LOC128125818: variants seen among roughly 807,000 people sequenced by gnomAD.
the LOC128125818 span, chr4:6,069,963 A>G: frequency 2.5e-6 from 1 of 396,454 alleles, no homozygotes; most frequent in Non-Finnish European, 4.4e-6. This position sits in a 1 kb window ranked among gnomAD's most constrained non-coding sequence, Gnocchi z 4.5. Context: ...ATCATTTTCA[A>G]CAGAGCCACC....
At chr4:6,067,146 T>C in the LOC128125818 span, among the ~76,000 whole-genome samples, 1 of 152,218 alleles carries the variant, frequency 6.6e-6, no homozygotes, top group Admixed American at 6.5e-5. The surrounding 1 kb of genome is among the most constrained non-coding windows in gnomAD (Gnocchi z 4.6). Context: ...CAAGCTATTG[T>C]GTTTACTGAT....
At chr4:6,067,638 C>G in the LOC128125818 span, among the ~76,000 whole-genome samples, 5 of 148,628 alleles carry the variant, frequency 3.4e-5, no homozygotes, top group African/African-American at 9.9e-5. The surrounding 1 kb of genome is among the most constrained non-coding windows in gnomAD (Gnocchi z 4.6). Flanking sequence ...CACTCAAGCT[C>G]TTCTGCACAC....
chr4:6,068,277 T>C, the LOC128125818 span, among the ~76,000 whole-genome samples: 5 of 152,148 alleles, frequency 3.3e-5, no homozygotes, highest in Non-Finnish European at 7.3e-5. Flanking sequence ...AGAGCAACCT[T>C]AGCAAACAGC....
At chr4:6,067,725 C>G in the LOC128125818 span, among the ~76,000 whole-genome samples, 1,874 of 109,466 alleles carry the variant, frequency 0.017, 9 homozygotes, top group South Asian at 0.031. This position sits in a 1 kb window ranked among gnomAD's most constrained non-coding sequence, Gnocchi z 4.6. Context: ...CTGAGCTCCA[C>G]GTTCACTCAA....
the LOC128125818 span, chr4:6,070,041 C>T: frequency 2.8e-5 from 11 of 398,674 alleles, no homozygotes; most frequent in African/African-American, 1.4e-4. Flanking sequence ...CGCAAAACCC[C>T]GAACCAGCTG....
chr4:6,067,846 G>T, the LOC128125818 span, among the ~76,000 whole-genome samples: 3 of 126,304 alleles, frequency 2.4e-5, no homozygotes, highest in African/African-American at 1.0e-4. This position sits in a 1 kb window ranked among gnomAD's most constrained non-coding sequence, Gnocchi z 4.6. Context: ...TTCTGCACAC[G>T]CAGGTCACCC....
chr4:6,068,017 G>A, the LOC128125818 span, among the ~76,000 whole-genome samples: 1 of 152,212 alleles, frequency 6.6e-6, no homozygotes, highest in African/African-American at 2.4e-5. Flanking sequence ...AGAACACACT[G>A]CTGGGCTGTG....
chr4:6,066,519 T>A, the LOC128125818 span, among the ~76,000 whole-genome samples: 1 of 152,084 alleles, frequency 6.6e-6, no homozygotes, highest in African/African-American at 2.4e-5. Flanking sequence ...CTGCGTCCTT[T>A]ATGGCATTGT....
At chr4:6,069,247 GA>G in the LOC128125818 span, among the ~76,000 whole-genome samples, 4 of 152,118 alleles carry the variant, frequency 2.6e-5, no homozygotes, top group African/African-American at 9.7e-5. This position sits in a 1 kb window ranked among gnomAD's most constrained non-coding sequence, Gnocchi z 4.5. Context: ...AAACATGAAA[GA>G]AACTTCATTT....
At chr4:6,067,135 G>A in the LOC128125818 span, among the ~76,000 whole-genome samples, 1 of 152,128 alleles carries the variant, frequency 6.6e-6, no homozygotes, top group Non-Finnish European at 1.5e-5. This position sits in a 1 kb window ranked among gnomAD's most constrained non-coding sequence, Gnocchi z 4.6. Flanking sequence ...GTAAGATCTG[G>A]CAAGCTATTG....
chr4:6,065,116 G>A, the LOC128125818 span: 1 of 1,349,438 alleles, frequency 7.4e-7, no homozygotes, highest in Non-Finnish European at 1.0e-6. This position sits in a 1 kb window ranked among gnomAD's most constrained non-coding sequence, Gnocchi z 5.1. Flanking sequence ...TGACATTTGG[G>A]CCACTGGGGC....
At chr4:6,068,284 C>T in the LOC128125818 span, among the ~76,000 whole-genome samples, 1 of 152,192 alleles carries the variant, frequency 6.6e-6, no homozygotes, top group Non-Finnish European at 1.5e-5. Context: ...CCTTAGCAAA[C>T]AGCCTAACTC....
chr4:6,069,046 A>C, the LOC128125818 span, among the ~76,000 whole-genome samples: 17 of 152,324 alleles, frequency 1.1e-4, no homozygotes, highest in South Asian at 3.5e-3. The surrounding 1 kb of genome is among the most constrained non-coding windows in gnomAD (Gnocchi z 4.5). Context: ...AAATAGAAAC[A>C]ATATATTAAT....
the LOC128125818 span, among the ~76,000 whole-genome samples, chr4:6,069,364 A>C: frequency 6.6e-6 from 1 of 152,224 alleles, no homozygotes; most frequent in African/African-American, 2.4e-5. This position sits in a 1 kb window ranked among gnomAD's most constrained non-coding sequence, Gnocchi z 4.5. Flanking sequence ...TCTACTGAAT[A>C]AAAAGGTAAT....
At chr4:6,067,375 G>C in the LOC128125818 span, among the ~76,000 whole-genome samples, 2 of 152,158 alleles carry the variant, frequency 1.3e-5, no homozygotes, top group Non-Finnish European at 2.9e-5. The surrounding 1 kb of genome is among the most constrained non-coding windows in gnomAD (Gnocchi z 4.6). Context: ...CTCATTGGCA[G>C]GTACGTGAAG....
chr4:6,065,075 C>T, the LOC128125818 span: 44 of 1,592,836 alleles, frequency 2.8e-5, no homozygotes, highest in Middle Eastern at 1.7e-4. This position sits in a 1 kb window ranked among gnomAD's most constrained non-coding sequence, Gnocchi z 5.1. Context: ...AGTCCCTGGT[C>T]GTGGGCATGC....
the LOC128125818 span, among the ~76,000 whole-genome samples, chr4:6,067,749 C>T: frequency 2.7e-5 from 4 of 148,208 alleles, no homozygotes; most frequent in African/African-American, 5.1e-5. The surrounding 1 kb of genome is among the most constrained non-coding windows in gnomAD (Gnocchi z 4.6). Context: ...CTTCTGCACA[C>T]GCAGGTCACC....
chr4:6,067,200 G>A, the LOC128125818 span, among the ~76,000 whole-genome samples: 5 of 152,304 alleles, frequency 3.3e-5, 1 homozygote, highest in Admixed American at 3.3e-4. The surrounding 1 kb of genome is among the most constrained non-coding windows in gnomAD (Gnocchi z 4.6). Context: ...ATGAAGACAG[G>A]GGGTTGGCCC....
the LOC128125818 span, among the ~76,000 whole-genome samples, chr4:6,068,450 G>A: frequency 6.6e-6 from 1 of 152,140 alleles, no homozygotes; most frequent in Non-Finnish European, 1.5e-5. Context: ...GCAATGCAGA[G>A]GAATCCACAG....
Sources: gnomAD v4.1 joint callset for allele counts (sites outside exome capture counted in the v4.1 genomes callset) on GRCh38, gnomAD v4.1.1 for gene constraint, Gnocchi (gnomAD v3.1) non-coding constraint, MANE v1.5 for transcripts.